Variants in SLC17A5 observed in about 807,000 individuals in gnomAD.
SLC17A5 encodes the protein solute carrier family 17 member 5.
Under a neutral mutation model 59.4 loss-of-function variants are expected in SLC17A5, and 47 were observed. The observed-to-expected ratio is 0.79, with a 90% confidence interval of 0.63 to 1.01. SLC17A5 has a LOEUF of 1.01. Among genes scored for constraint, SLC17A5 ranks in the 50% least tolerant of loss-of-function variants. The pLI, the probability that SLC17A5 is intolerant of heterozygous loss-of-function variation, is 0.00. For synonymous variants in SLC17A5, 202 were observed against 210.7 expected, an observed-to-expected ratio of 0.96 and a Z score of 0.36; for missense variants, 522 against 595.5, an observed-to-expected ratio of 0.88 and a Z score of 1.28.
rs1554160244 is a variant in SLC17A5, at chr6:73,595,216, T to C, written c.1351-2A>G. ...GGTTTGCCATTCTCCAACAGTGTTCTATAAAGGAAGACAAAAAATGCAAGT... is the reference window on the plus strand; with the variant it reads ...GGTTTGCCATTCTCCAACAGTGTTCCATAAAGGAAGACAAAAAATGCAAGT... On this transcript the variant is annotated splice_acceptor_variant, in intron 10 of 10. Coordinates refer to ENST00000355773, the MANE Select transcript of SLC17A5 (RefSeq NM_012434.5). LOFTEE classifies it high-confidence loss of function. 8 of 1,614,078 alleles carry C rather than the reference T, an allele frequency of 5.0e-6. No homozygotes were observed. Among genetic ancestry groups the C allele is most frequent in the African/African-American group, 2.7e-5 (2 of 75,052 alleles).
At chr6:73,649,978 G>A (rs1454760605) in intron 1 of SLC17A5, among the ~76,000 whole-genome samples, 1 of 152,140 alleles carries the variant, frequency 6.6e-6, no homozygotes, top group East Asian at 1.9e-4. Flanking sequence ...CCTGTGCTCA[G>A]GAGTAGGCAC....
At chr6:73,618,714 C>T (rs575706970) in intron 7 of SLC17A5, 7 of 227,580 alleles carry the variant, frequency 3.1e-5, no homozygotes, top group Non-Finnish European at 4.4e-5. Flanking sequence ...TGCAGGCCAT[C>T]GTAGGGTTAT....
Position 73,594,956 on chromosome 6 carries a change from A to C in SLC17A5, c.*121T>G, listed in dbSNP as rs1169472896. 1.5e-5 allele frequency: 16 copies of C among 1,099,012 alleles called. No individual in the cohort carries two copies. The highest frequency in any genetic ancestry group is 1.2e-4 in the East Asian group (5 of 42,224). The allele number at this position is 1,099,012 out of a possible 1,614,324, so 68.1% of individuals were successfully genotyped here. A position where few individuals can be genotyped will look rare whatever the true frequency, so the allele number is the denominator to read the frequency against. On this transcript the variant is annotated 3_prime_UTR_variant, in exon 11 of 11. Coordinates refer to ENST00000355773, the MANE Select transcript of SLC17A5 (RefSeq NM_012434.5). ...TGATATTTCATGATTATAGGCCTTAAAAATCTAATACAAGTACAATTAAAA... is the reference window on the plus strand; with the variant it reads ...TGATATTTCATGATTATAGGCCTTACAAATCTAATACAAGTACAATTAAAA...
chr6:73,596,886 C>T (rs1046940572), intron 10 of SLC17A5, among the ~76,000 whole-genome samples: 2 of 124,272 alleles, frequency 1.6e-5, no homozygotes, highest in Admixed American at 7.8e-5. Context: ...ACTGGTTGGG[C>T]GTGGTGGCTC....
chr6:73,637,013 G>C (rs1769038903), intron 4 of SLC17A5, among the ~76,000 whole-genome samples: 1 of 151,896 alleles, frequency 6.6e-6, no homozygotes, highest in Non-Finnish European at 1.5e-5. Flanking sequence ...GATCGCTTCA[G>C]CTGTTGAGGC....
chr6:73,631,248 G>A (rs994308646), intron 6 of SLC17A5, among the ~76,000 whole-genome samples: 6 of 150,166 alleles, frequency 4.0e-5, no homozygotes, highest in South Asian at 2.1e-4. Flanking sequence ...GAGACAGAGC[G>A]AGACCCTGTC....
At chr6:73,600,954 C>T in intron 9 of SLC17A5, among the ~76,000 whole-genome samples, 1 of 152,288 alleles carries the variant, frequency 6.6e-6, no homozygotes, top group East Asian at 1.9e-4. Flanking sequence ...AACATTAGGC[C>T]CGGCCGCCAC....
chr6:73,615,814 A>AT lies in SLC17A5; in HGVS notation c.979-368dup, dbSNP rs1053888408. On this transcript the variant is annotated intron_variant, in intron 7 of 10. Coordinates refer to ENST00000355773, the MANE Select transcript of SLC17A5 (RefSeq NM_012434.5). ...ATTCTCACTCATTTATTTAAAAAAAATTTTTTTTACTATAAAATAAAATGC... is the reference window on the plus strand; with the variant it reads ...ATTCTCACTCATTTATTTAAAAAAAATTTTTTTTTACTATAAAATAAAATGC... 1.8e-4 allele frequency among the ~76,000 whole-genome samples: 27 copies of AT among 150,028 alleles called. 1 individual carries two copies. Among genetic ancestry groups the AT allele is most frequent in the South Asian group, 6.3e-4 (3 of 4,788 alleles).
At chr6:73,644,713 C>T in intron 1 of SLC17A5, 110 bp from the exon 2 acceptor site, 1 of 1,004,544 alleles carries the variant, frequency 1.0e-6, no homozygotes, top group Non-Finnish European at 1.5e-6. Context: ...CTCAAGCCAT[C>T]CACCCACCTC....
At chr6:73,630,662 A>T (rs1417761722) in intron 6 of SLC17A5, among the ~76,000 whole-genome samples, 1 of 152,090 alleles carries the variant, frequency 6.6e-6, no homozygotes, top group Non-Finnish European at 1.5e-5. Context: ...TACCTTATGC[A>T]CGAGAGCAAC....
At chr6:73,606,635 C>T (rs1767403468) in intron 9 of SLC17A5, among the ~76,000 whole-genome samples, 1 of 152,178 alleles carries the variant, frequency 6.6e-6, no homozygotes, top group African/African-American at 2.4e-5. Flanking sequence ...GCCTGTCCAG[C>T]ATTATACTTC....
intron 8 of SLC17A5, among the ~76,000 whole-genome samples, chr6:73,612,901 A>C (rs924109842): frequency 6.6e-6 from 1 of 152,142 alleles, no homozygotes; most frequent in Non-Finnish European, 1.5e-5. Context: ...AAAATCAAAA[A>C]TAATTAGCTG....
intron 9 of SLC17A5, among the ~76,000 whole-genome samples, chr6:73,605,417 G>A (rs1767346790): frequency 6.6e-6 from 1 of 151,934 alleles, no homozygotes. Flanking sequence ...CACTGAATGG[G>A]CCCTCAGTTG....
chr6:73,651,656 C>T (rs1769874596), intron 1 of SLC17A5, among the ~76,000 whole-genome samples: 1 of 151,340 alleles, frequency 6.6e-6, no homozygotes, highest in South Asian at 2.1e-4. Flanking sequence ...CATTCTCCTG[C>T]CTCAGCCTCC....
At chr6:73,653,417 C>T in intron 1 of SLC17A5, 1 of 985,408 alleles carries the variant, frequency 1.0e-6, no homozygotes. Flanking sequence ...TGATGATTCT[C>T]TCCCAGTTCG....
At chr6:73,633,199 T>C (rs1284528183) in intron 6 of SLC17A5, among the ~76,000 whole-genome samples, 1 of 145,538 alleles carries the variant, frequency 6.9e-6, no homozygotes, top group African/African-American at 2.6e-5. Flanking sequence ...TTTTTTTTGC[T>C]GGGAAGACTC....
intron 6 of SLC17A5, among the ~76,000 whole-genome samples, chr6:73,627,423 C>T (rs915621548): frequency 6.6e-5 from 10 of 152,022 alleles, no homozygotes; most frequent in African/African-American, 1.9e-4. Context: ...ATAACAGCCA[C>T]GTGGAGCTAG....
At chr6:73,650,957 C>G (rs1194530904) in intron 1 of SLC17A5, among the ~76,000 whole-genome samples, 1 of 152,132 alleles carries the variant, frequency 6.6e-6, no homozygotes, top group Non-Finnish European at 1.5e-5. Flanking sequence ...CAGACAGACT[C>G]ATAATCCTAT....
In SLC17A5 at chr6:73,636,702, G is replaced by A. The variant is rs1769021763; in HGVS notation, c.619C>T (p.Gln207Ter). Residue 207 changes from glutamine (Q) to a stop codon, truncating the protein, a stop_gained, in exon 5 of 11, where the codon CAG becomes TAG. Coordinates refer to ENST00000355773, the MANE Select transcript of SLC17A5 (RefSeq NM_012434.5). LOFTEE classifies it high-confidence loss of function. ...GGAAGAGAAATTACTGTCCCAAGCT[G>A]TGCTCCTAGAACAACACATAAGACT... ...KLLSISYAGAQLGTVISLPLS... is the reference protein window; with the variant it reads ...KLLSISYAGA 6.2e-7 allele frequency: 1 copy of A among 1,607,498 alleles called. No individual in the cohort carries two copies. The highest frequency in any genetic ancestry group is 1.3e-5 in the African/African-American group (1 of 74,882).
Sources: allele counts gnomAD v4.1 joint callset (sites outside exome capture counted in the v4.1 genomes callset), GRCh38; gene constraint gnomAD v4.1.1; transcripts MANE v1.5; gene names NCBI Gene and HGNC (gene_info 2026-07-23, HGNC 2026-07-21).